Variants in KIF27 observed in about 807,000 individuals in gnomAD.
KIF27 encodes kinesin family member 27.
A neutral mutation model predicts 141.8 loss-of-function variants in KIF27; 84 were observed. The observed-to-expected ratio is 0.59, with a 90% CI of 0.50 to 0.71. The LOEUF is 0.71. KIF27 is among the 30% of genes least tolerant of loss of function. KIF27 has a pLI of 0.00. For missense variants in KIF27, 1,306 were observed against 1,628.4 expected (o/e 0.80, Z 3.41); for synonymous variants, 471 against 569.5 (o/e 0.83, Z 2.46).
Position 83,915,556 on chromosome 9 carries a change from A to G in KIF27, c.36T>C (p.Ile12=), listed in dbSNP as rs781084541. Residue 12 remains isoleucine, a synonymous_variant, in exon 2 of 18, where the codon ATT becomes ATC. Transcript: ENST00000297814. The part of the protein sequence containing the change: ...EEIPVKVAVR[I]RPLLCKEALH... ...GAGCTTCTTTGCAAAGCAGAGGTCTAATTCTTACAGCAACTTTTACTGGTA... is the reference window on the plus strand; with the variant it reads ...GAGCTTCTTTGCAAAGCAGAGGTCTGATTCTTACAGCAACTTTTACTGGTA... 4.4e-6 allele frequency: 7 copies of G among 1,609,060 alleles called. No homozygotes were observed. The highest frequency in any genetic ancestry group is 5.1e-6 in the Non-Finnish European group (6 of 1,178,284).
At chr9:83,860,666 T>C (rs1156238819) in intron 13 of KIF27, among the ~76,000 whole-genome samples, 2 of 152,220 alleles carry the variant, frequency 1.3e-5, no homozygotes, top group African/African-American at 4.8e-5. Context: ...TCAGGAAATC[T>C]TTTCAATCTA....
intron 11 of KIF27, among the ~76,000 whole-genome samples, chr9:83,875,923 T>A: frequency 6.7e-6 from 1 of 148,644 alleles, no homozygotes; most frequent in South Asian, 2.1e-4. Context: ...AAAGGGGAGG[T>A]AAGAAAGGGA....
At chr9:83,901,858 C>T (rs1028193386) in intron 4 of KIF27, among the ~76,000 whole-genome samples, 12 of 150,780 alleles carry the variant, frequency 8.0e-5, no homozygotes, top group African/African-American at 2.9e-4. Flanking sequence ...GGCGAGAGAG[C>T]AAGATTCCAT....
At chr9:83,873,820 C>T (rs149084542) in intron 11 of KIF27, among the ~76,000 whole-genome samples, 12 of 152,252 alleles carry the variant, frequency 7.9e-5, no homozygotes, top group South Asian at 4.2e-4. Flanking sequence ...GAGGCCAAGG[C>T]GGGTAGATCA....
chr9:83,871,001 C>A (rs1394427353), intron 11 of KIF27, among the ~76,000 whole-genome samples: 1 of 152,036 alleles, frequency 6.6e-6, no homozygotes, highest in East Asian at 1.9e-4. Flanking sequence ...AGCTCAAGCT[C>A]CTGGGCTCAA....
chr9:83,839,989 A>G (rs1425122053), intron 17 of KIF27, among the ~76,000 whole-genome samples: 2 of 152,102 alleles, frequency 1.3e-5, no homozygotes, highest in African/African-American at 4.8e-5. Context: ...GCAAATACCA[A>G]GATAGTTATT....
In KIF27 at chr9:83,891,473, A is replaced by G. The variant is rs371440040; in HGVS notation, c.1631T>C (p.Leu544Pro). 89 of 1,613,268 alleles carry G rather than the reference A, an allele frequency of 5.5e-5. No individual in the cohort carries two copies. The highest frequency in any genetic ancestry group is 7.4e-5 in the Non-Finnish European group (87 of 1,179,614). The change falls in exon 6 of 18, where the codon CTT (leucine) becomes CCT (proline). Residue 544 changes from leucine to proline, a missense_variant. Leu to Pro is a moderately conservative substitution (Grantham distance 98). This residue lies in a region of KIF27 where 596 missense variants were observed against 751.6 expected (regional missense o/e 0.79). Coordinates refer to ENST00000297814, the MANE Select transcript of KIF27 (RefSeq NM_017576.4). ...TAGTTCTTCACTCAGTTGATCCACA[A>G]GAAGTTGTTGTTCTATTATTTTTTC... ...QNEKIIEQQLLVDQLSEELTK... is the reference protein window; with the variant it reads ...QNEKIIEQQLPVDQLSEELTK...
chr9:83,856,452 C>A (rs1386636939), intron 14 of KIF27, among the ~76,000 whole-genome samples: 1 of 151,610 alleles, frequency 6.6e-6, no homozygotes, highest in African/African-American at 2.4e-5. Flanking sequence ...ACTAAAAATA[C>A]AAAAATTAGG....
At chr9:83,880,203 T>C (rs778841522) in intron 11 of KIF27, 94 bp downstream of exon 11, 5 of 1,572,348 alleles carry the variant, frequency 3.2e-6, no homozygotes, top group Non-Finnish European at 4.4e-6. Flanking sequence ...GGATAGATAC[T>C]TCACAAGCCA....
At chr9:83,862,832 G>A (rs1053186264) in intron 13 of KIF27, among the ~76,000 whole-genome samples, 6 of 152,078 alleles carry the variant, frequency 3.9e-5, no homozygotes, top group African/African-American at 1.4e-4. Flanking sequence ...CCATTTGTTT[G>A]TATCCTCTTT....
intron 3 of KIF27, among the ~76,000 whole-genome samples, chr9:83,904,747 T>C (rs1170908362): frequency 2.0e-5 from 3 of 152,040 alleles, no homozygotes; most frequent in African/African-American, 7.2e-5. Flanking sequence ...TTAATTAGTA[T>C]CAATTAAAAG....
intron 1 of KIF27, among the ~76,000 whole-genome samples, chr9:83,920,833 G>A (rs1400795849): frequency 3.0e-5 from 3 of 100,510 alleles, no homozygotes; most frequent in African/African-American, 7.2e-5. Flanking sequence ...CTCTACGGTA[G>A]GAAATGCGCC....
chr9:83,912,105 ATAAATT>A (rs997846858), intron 2 of KIF27, among the ~76,000 whole-genome samples: 1 of 152,234 alleles, frequency 6.6e-6, no homozygotes, highest in Admixed American at 6.5e-5. Flanking sequence ...AGTGTATGAG[ATAAATT>A]TAAAATAAGT....
intron 11 of KIF27, among the ~76,000 whole-genome samples, chr9:83,878,783 A>T (rs879207829): frequency 2.0e-5 from 3 of 152,196 alleles, no homozygotes; most frequent in Non-Finnish European, 4.4e-5. Flanking sequence ...AATATTACAG[A>T]GTGTCTGTCT....
rs531908536 is a variant in KIF27 at position 83,861,982 on chromosome 9, G to A, written c.2935-2611C>T. Among the ~76,000 whole-genome samples, 1,264 of 152,294 alleles carry A rather than the reference G, an allele frequency of 8.3e-3. 8 individuals are homozygous for A. The highest frequency in any genetic ancestry group is 0.012 in the Non-Finnish European group (843 of 68,030). The stretch of plus-strand genomic sequence containing the variant: ...GTTGGCTGCATAAATGTCTTCTTTC[G>A]AGAAGCGTCTGTTCATATCCTTCGC... On this transcript the variant is annotated intron_variant, in intron 13 of 17. Transcript: ENST00000297814.
chr9:83,913,209 A>G (rs1955356828), intron 2 of KIF27, among the ~76,000 whole-genome samples: 1 of 152,154 alleles, frequency 6.6e-6, no homozygotes, highest in South Asian at 2.1e-4. Context: ...TGTCTCTACA[A>G]AAAGGTTTTT....
chr9:83,873,180 A>T (rs962949053), intron 11 of KIF27, among the ~76,000 whole-genome samples: 1 of 152,226 alleles, frequency 6.6e-6, no homozygotes, highest in African/African-American at 2.4e-5. Context: ...TCAAACTGCG[A>T]GTTATACCAG....
In KIF27 at chr9:83,846,510, T is replaced by A. The variant is rs113404378; in HGVS notation, c.3556+3589A>T. Among the ~76,000 whole-genome samples, 10 of 152,320 alleles carry A rather than the reference T, an allele frequency of 6.6e-5. 1 individual carries two copies. Among genetic ancestry groups the A allele is most frequent in the African/African-American group, 2.4e-4 (10 of 41,562 alleles). On this transcript the variant is annotated intron_variant, in intron 16 of 17. Transcript: ENST00000297814. ...CAGCTAGATTGATGGAACGGTGGAATGGCCTTTTGAAGTCACAATTACAAT... is the reference window on the plus strand; with the variant it reads ...CAGCTAGATTGATGGAACGGTGGAAAGGCCTTTTGAAGTCACAATTACAAT...
Position 83,835,148 on chromosome 9 carries a change from C to T in KIF27, c.*1853G>A, listed in dbSNP as rs1321214089. 6.7e-6 allele frequency among the ~76,000 whole-genome samples: 1 copy of T among 149,206 alleles called. No individual in the cohort carries two copies. The highest frequency in any genetic ancestry group is 1.5e-5 in the Non-Finnish European group (1 of 67,440). On this transcript the variant is annotated 3_prime_UTR_variant, in exon 18 of 18. Coordinates refer to ENST00000297814, the MANE Select transcript of KIF27 (RefSeq NM_017576.4). Reference sequence around the variant, plus strand: ...AAATACAAACACATTTCCTTATATACTTGTATATGTACAAGTGTATATACA... The same window carrying T: ...AAATACAAACACATTTCCTTATATATTTGTATATGTACAAGTGTATATACA...
Sources: allele counts gnomAD v4.1 joint callset (sites outside exome capture counted in the v4.1 genomes callset), GRCh38; gene constraint gnomAD v4.1.1; regional missense constraint gnomAD v4.1.1; transcripts MANE v1.5; gene names NCBI Gene and HGNC (gene_info 2026-07-23, HGNC 2026-07-21).